The following TPTE variants were observed in gnomAD, a reference collection of about 807,000 sequenced individuals.
TPTE encodes putative tyrosine-protein phosphatase TPTE.
Under a neutral mutation model 84.1 loss-of-function variants are expected in TPTE, and 59 were observed. The observed-to-expected ratio is 0.70, with a 90% confidence interval of 0.57 to 0.87. TPTE has a LOEUF of 0.87. Ranked by LOEUF, TPTE falls within the 40% of genes least tolerant of loss-of-function variation. The pLI, the probability that TPTE is intolerant of heterozygous loss-of-function variation, is 0.00. For missense variants in TPTE, 382 were observed against 659.6 expected (o/e 0.58, Z 4.61); for synonymous variants, 130 against 223.5 (o/e 0.58, Z 3.73).
rs1321557762 is a variant in TPTE, at chr21:10,521,652, G to C, written c.-253G>C. ...GCGCCGGACTCGCTGCGCCCCGGCG[G>C]CTCTAGGGACCCCCGGCGCCTACAC... On this transcript the variant is annotated 5_prime_UTR_variant, in exon 1 of 24. Coordinates refer to ENST00000618007, the MANE Select transcript of TPTE (RefSeq NM_199261.4). The C allele has an allele frequency of 1.3e-5, 2 of 148,604 alleles. No homozygotes were observed. Among genetic ancestry groups the C allele is most frequent in the Non-Finnish European group, 3.0e-5 (2 of 67,716 alleles). 9.2% of individuals were successfully genotyped at this position (148,604 alleles called of 1,614,324 possible). A position where few individuals can be genotyped will look rare whatever the true frequency, so the allele number is the denominator to read the frequency against.
intron 3 of TPTE, among the ~76,000 whole-genome samples, chr21:10,534,792 T>C (rs182618062): frequency 6.6e-6 from 1 of 152,426 alleles, no homozygotes; most frequent in Non-Finnish European, 1.5e-5. Flanking sequence ...TTTTTGGGTC[T>C]AGTTGGATAC....
At chr21:10,569,350 T>G in intron 11 of TPTE, 87 bp from the exon 12 acceptor site, 1 of 1,508,598 alleles carries the variant, frequency 6.6e-7, no homozygotes, top group East Asian at 2.4e-5. Flanking sequence ...AAATTGCCTC[T>G]GGTTAACAAC....
rs530680197 is a variant in TPTE, at chr21:10,569,802, G to A, written c.730+56G>A. ...TATTACTTCACTTTTTCTTGTAATT[G>A]TATTTTTTTTTGCCTCATCTAAGAC... On this transcript the variant is annotated intron_variant, in intron 13 of 23. Transcript: ENST00000618007. The A allele has an allele frequency of 7.1e-4, 1,130 of 1,602,814 alleles. No individual in the cohort carries two copies. In the African/African-American group the frequency reaches 0.013, roughly 19 times the overall value.
intron 3 of TPTE, among the ~76,000 whole-genome samples, chr21:10,537,686 A>G (rs1221513313): frequency 3.3e-5 from 5 of 152,270 alleles, no homozygotes; most frequent in Admixed American, 1.3e-4. Flanking sequence ...TCAAAAAAAA[A>G]AAAAAAGAAA....
intron 14 of TPTE, among the ~76,000 whole-genome samples, chr21:10,572,959 A>G: frequency 6.6e-6 from 1 of 152,426 alleles, no homozygotes; most frequent in African/African-American, 2.4e-5. Flanking sequence ...AAAAATGAAC[A>G]AAATGACAGG....
Position 10,597,199 on chromosome 21 carries a change from A to G in TPTE, c.1277-816A>G, listed in dbSNP as rs577084122. 5.9e-5 allele frequency among the ~76,000 whole-genome samples: 9 copies of G among 152,412 alleles called. No individual in the cohort carries two copies. The South Asian group carries it at 1.7e-3, about 28-fold the overall frequency. On this transcript the variant is annotated intron_variant, in intron 20 of 23. Transcript: ENST00000618007. Reference sequence around the variant, plus strand: ...AAGGAACAAAAAAGCCTTTGTCTGTAAATATATACTGAACACCACTGGAAT... The same window carrying G: ...AAGGAACAAAAAAGCCTTTGTCTGTGAATATATACTGAACACCACTGGAAT...
intron 4 of TPTE, chr21:10,540,730 C>G (rs1184611172): frequency 1.9e-6 from 1 of 519,864 alleles, no homozygotes; most frequent in Non-Finnish European, 3.8e-6. Context: ...GGAGAGACAA[C>G]TAGGATGGGT....
intron 3 of TPTE, among the ~76,000 whole-genome samples, chr21:10,533,534 G>A (rs2074215006): frequency 6.6e-6 from 1 of 152,308 alleles, no homozygotes; most frequent in African/African-American, 2.4e-5. Context: ...GGCTACTCTG[G>A]TCATTTGTAT....
chr21:10,582,598 A>C (rs559124529), intron 17 of TPTE, among the ~76,000 whole-genome samples: 1 of 152,428 alleles, frequency 6.6e-6, no homozygotes, highest in East Asian at 1.9e-4. Flanking sequence ...TTCTTTAATA[A>C]TATTTTATAC....
chr21:10,554,173 AACATT>A (rs2074634393), intron 8 of TPTE, among the ~76,000 whole-genome samples: 1 of 152,306 alleles, frequency 6.6e-6, no homozygotes, highest in African/African-American at 2.4e-5. Context: ...GTGCACTTAC[AACATT>A]ATTTGTAACA....
chr21:10,592,524 T>G (rs1302168055), intron 19 of TPTE, 151 bp downstream of exon 19: 1 of 1,022,320 alleles, frequency 9.8e-7, no homozygotes, highest in Non-Finnish European at 1.4e-6. Context: ...TCCCTGAGTC[T>G]GAGGGTCACG....
At position 10,597,705 on chromosome 21, in the gene TPTE, A is replaced by G. The variant is rs1367910512; in HGVS notation, c.1277-310A>G. ...GCTAGGATTACAGGTATGAGCCACC[A>G]TGCCTGGCCTAGCTTCCCTAAATAT... On this transcript the variant is annotated intron_variant, in intron 20 of 23. Transcript: ENST00000618007. Among the ~76,000 whole-genome samples the G allele has an allele frequency of 4.9e-4, 75 of 152,258 alleles. No individual in the cohort carries two copies. The South Asian group carries it at 0.015, about 31-fold the overall frequency.
At chr21:10,589,624 A>G (rs1454751931) in intron 17 of TPTE, among the ~76,000 whole-genome samples, 1 of 152,306 alleles carries the variant, frequency 6.6e-6, no homozygotes, top group Non-Finnish European at 1.5e-5. Context: ...CTCTTCTCAA[A>G]TGAGCTCCAA....
chr21:10,579,107 A>G (rs1260440234), intron 17 of TPTE, among the ~76,000 whole-genome samples: 1 of 152,308 alleles, frequency 6.6e-6, no homozygotes, highest in African/African-American at 2.4e-5. Context: ...GTGTGAGAAC[A>G]TTTAAAATCT....
intron 8 of TPTE, among the ~76,000 whole-genome samples, chr21:10,559,012 A>G (rs1381699047): frequency 2.0e-5 from 3 of 152,312 alleles, no homozygotes; most frequent in Admixed American, 1.3e-4. Flanking sequence ...TCATCTGTTC[A>G]CTAGGTGTCT....
At chr21:10,565,303 AGT>A (rs1194137043) in intron 10 of TPTE, among the ~76,000 whole-genome samples, 1 of 152,312 alleles carries the variant, frequency 6.6e-6, no homozygotes, top group Non-Finnish European at 1.5e-5. Flanking sequence ...TAACCAAAGA[AGT>A]GTAAGATCTT....
chr21:10,524,968 T>C (rs1293469920), intron 2 of TPTE, among the ~76,000 whole-genome samples: 1 of 152,308 alleles, frequency 6.6e-6, no homozygotes, highest in Admixed American at 6.5e-5. Context: ...CAAGCCTCAT[T>C]CTATGACATT....
chr21:10,548,079 G>A (rs1474205030), intron 7 of TPTE, among the ~76,000 whole-genome samples: 2 of 152,306 alleles, frequency 1.3e-5, no homozygotes, highest in Non-Finnish European at 2.9e-5. Flanking sequence ...AAGGGCCTGA[G>A]AAACAGTCCC....
intron 17 of TPTE, among the ~76,000 whole-genome samples, chr21:10,582,561 A>T (rs1167196093): frequency 6.6e-6 from 1 of 152,312 alleles, no homozygotes; most frequent in Non-Finnish European, 1.5e-5. Context: ...TGCGATATTG[A>T]GTTGTACATG....
Sources: gnomAD v4.1 joint callset for allele counts (sites outside exome capture counted in the v4.1 genomes callset) on GRCh38, gnomAD v4.1.1 for gene constraint, MANE v1.5 for transcripts, NCBI Gene and HGNC (gene_info 2026-07-23, HGNC 2026-07-21) for gene names.